The following PAMR1 variants were observed in gnomAD, a reference collection of about 807,000 sequenced individuals.
PAMR1 encodes the protein peptidase domain containing associated with muscle regeneration 1.
PAMR1 carries 88 observed loss-of-function variants against 81.8 expected under a neutral mutation model. The observed-to-expected ratio is 1.08, with a 90% CI of 0.91 to 1.28. PAMR1 has a LOEUF of 1.28. PAMR1 is among the 50% of genes most tolerant of loss of function. The pLI is 0.00. For missense variants in PAMR1, 935 were observed against 919.7 expected (o/e 1.02, Z -0.21); for synonymous variants, 336 against 345.3 (o/e 0.97, Z 0.30).
At chr11:35,466,725 T>TAAAAA (rs1856764176) in intron 6 of PAMR1, among the ~76,000 whole-genome samples, 1 of 32,026 alleles carries the variant, frequency 3.1e-5, no homozygotes, top group African/African-American at 1.6e-4. Flanking sequence ...AGGCTCTATC[T>TAAAAA]CAAAAAAAAA....
At chr11:35,483,401 C>T (rs1850438328) in intron 3 of PAMR1, among the ~76,000 whole-genome samples, 2 of 152,158 alleles carry the variant, frequency 1.3e-5, no homozygotes, top group South Asian at 4.1e-4. Context: ...TTCGTAGCCT[C>T]ATTCCAGCCT....
At chr11:35,498,611 T>C (rs952384222) in intron 1 of PAMR1, among the ~76,000 whole-genome samples, 3 of 152,212 alleles carry the variant, frequency 2.0e-5, no homozygotes, top group African/African-American at 7.2e-5. Context: ...GTCACCTTGC[T>C]TCCCATCGCT....
intron 1 of PAMR1, among the ~76,000 whole-genome samples, chr11:35,513,013 A>AGTG (rs1851100734): frequency 6.6e-6 from 1 of 152,282 alleles, no homozygotes; most frequent in African/African-American, 2.4e-5. Context: ...AATAAAGGAA[A>AGTG]GTGGCGAGCA....
chr11:35,461,801 C>T lies in PAMR1; in HGVS notation c.820+6200G>A, dbSNP rs546932901. On this transcript the variant is annotated intron_variant, in intron 6 of 10. Transcript: ENST00000619888. ...TTAGGGAGGGTAAGTAGATGAGAGA[C>T]CCAGGTAATGTGTAAGAAGACAGTG... Among the ~76,000 whole-genome samples, 58 of 152,174 alleles carry T rather than the reference C, an allele frequency of 3.8e-4. 1 individual carries two copies. The South Asian group carries it at 0.012, about 31-fold the overall frequency.
chr11:35,490,808 A>G (rs1401133293), intron 3 of PAMR1, among the ~76,000 whole-genome samples: 3 of 152,244 alleles, frequency 2.0e-5, no homozygotes, highest in African/African-American at 7.2e-5. Context: ...AACCTTATGA[A>G]GTTGGTAGCA....
chr11:35,487,979 A>T (rs1850542181), intron 3 of PAMR1, among the ~76,000 whole-genome samples: 1 of 152,210 alleles, frequency 6.6e-6, no homozygotes, highest in South Asian at 2.1e-4. Flanking sequence ...TGCTACCTAT[A>T]AATAATTCTT....
intron 8 of PAMR1, 123 bp from the exon 9 acceptor site, chr11:35,436,258 T>C (rs1856041598): frequency 1.5e-6 from 1 of 652,058 alleles, no homozygotes; most frequent in Non-Finnish European, 2.7e-6. Flanking sequence ...AATCTCTGTC[T>C]CTGTCTCTCT....
intron 1 of PAMR1, among the ~76,000 whole-genome samples, chr11:35,519,935 A>T (rs1590402220): frequency 6.6e-6 from 1 of 152,140 alleles, no homozygotes; most frequent in East Asian, 1.9e-4. Context: ...CAGCTATATG[A>T]CCTGGGCAGG....
In PAMR1 at chr11:35,494,239, G is replaced by T; in HGVS notation, c.107C>A (p.Ala36Glu). The T allele has an allele frequency of 6.2e-7, 1 of 1,614,158 alleles. No individual in the cohort carries two copies. The highest frequency in any genetic ancestry group is 1.1e-5 in the South Asian group (1 of 91,086). ...CTCCCGACACATGATATTCCACTCT[G>T]CTCCAGGGCAGGCTTCATTAATGAC... The part of the protein sequence containing the change: ...YTVINEACPG[A>E]EWNIMCRECC... Residue 36 changes from alanine to glutamate, a missense_variant, in exon 2 of 11, where the codon GCA becomes GAA. Physicochemically the swap from Ala to Glu is moderately radical, Grantham distance 107 (BLOSUM62 -1). Coordinates refer to ENST00000619888, the MANE Select transcript of PAMR1 (RefSeq NM_001001991.3).
upstream of PAMR1, among the ~76,000 whole-genome samples, chr11:35,528,218 C>T (rs998681038): frequency 2.0e-5 from 3 of 152,270 alleles, no homozygotes; most frequent in East Asian, 5.8e-4. Context: ...TCTGTTCTCC[C>T]CCCATTTTCC....
At chr11:35,487,705 T>C (rs1034466694) in intron 3 of PAMR1, among the ~76,000 whole-genome samples, 2 of 152,172 alleles carry the variant, frequency 1.3e-5, no homozygotes, top group Non-Finnish European at 2.9e-5. Flanking sequence ...CACTCCCTAC[T>C]TCCCAGAGAA....
At chr11:35,474,602 C>A in intron 4 of PAMR1, 28 bp downstream of exon 4, 1 of 1,334,880 alleles carries the variant, frequency 7.5e-7, no homozygotes, top group East Asian at 2.4e-5. Context: ...TAACCTCAGA[C>A]TCCTGACTTC....
intron 6 of PAMR1, among the ~76,000 whole-genome samples, chr11:35,462,308 G>T (rs140947873): frequency 6.6e-6 from 1 of 152,316 alleles, no homozygotes; most frequent in Non-Finnish European, 1.5e-5. Flanking sequence ...CCAAGCCTCA[G>T]CATTCAACAT....
intron 5 of PAMR1, among the ~76,000 whole-genome samples, chr11:35,470,277 C>G (rs1856829576): frequency 6.6e-6 from 1 of 152,134 alleles, no homozygotes; most frequent in Non-Finnish European, 1.5e-5. Flanking sequence ...GAGAGGTCAC[C>G]CTGTGTGAGC....
At chr11:35,450,491 C>T (rs952914953) in intron 6 of PAMR1, among the ~76,000 whole-genome samples, 12 of 152,138 alleles carry the variant, frequency 7.9e-5, no homozygotes, top group African/African-American at 2.9e-4. Context: ...CACAAAACTC[C>T]AGTGCTTACA....
At chr11:35,506,437 T>G (rs1850958023) in intron 1 of PAMR1, among the ~76,000 whole-genome samples, 1 of 130,984 alleles carries the variant, frequency 7.6e-6, no homozygotes, top group South Asian at 2.7e-4. Context: ...TTTTGGTGTT[T>G]TTTTTTTTCA....
intron 1 of PAMR1, among the ~76,000 whole-genome samples, chr11:35,522,440 C>A: frequency 6.6e-6 from 1 of 152,204 alleles, no homozygotes; most frequent in East Asian, 1.9e-4. Context: ...ATATAAGTGG[C>A]ATCACAGAAC....
intron 3 of PAMR1, among the ~76,000 whole-genome samples, chr11:35,477,444 T>A (rs549512265): frequency 6.6e-6 from 1 of 152,356 alleles, no homozygotes; most frequent in East Asian, 1.9e-4. Context: ...GTTAGAAGAC[T>A]GTAAATCGTT....
At chr11:35,468,427 A>T (rs1856794882) in intron 5 of PAMR1, among the ~76,000 whole-genome samples, 1 of 152,220 alleles carries the variant, frequency 6.6e-6, no homozygotes, top group Non-Finnish European at 1.5e-5. Flanking sequence ...TCTCTCCCAT[A>T]GGGGTTTCAG....
Sources: allele counts gnomAD v4.1 joint callset (sites outside exome capture counted in the v4.1 genomes callset), GRCh38; gene constraint gnomAD v4.1.1; transcripts MANE v1.5; gene names NCBI Gene and HGNC (gene_info 2026-07-23, HGNC 2026-07-21).